GRM4: variants seen among roughly 807,000 people sequenced by gnomAD.
GRM4 encodes metabotropic glutamate receptor 4.
In GRM4, 28 loss-of-function variants were observed where a neutral mutation model predicts 81.7. That is an observed-to-expected ratio of 0.34 (90% CI 0.25 to 0.47). The LOEUF (loss-of-function observed/expected upper bound fraction) is 0.47, where lower values mean the gene tolerates loss of function less well. Ranked by LOEUF, GRM4 falls within the 20% of genes least tolerant of loss-of-function variation. GRM4 has a pLI of 1.00. For synonymous variants in GRM4, 488 were observed against 528.8 expected, an observed-to-expected ratio of 0.92 and a Z score of 1.06; for missense variants, 948 against 1,290.0, an observed-to-expected ratio of 0.73 and a Z score of 4.06.
chr6:34,063,752 G>A (rs972380709), intron 3 of GRM4: 8 of 152,252 alleles, frequency 5.3e-5, no homozygotes, highest in Admixed American at 2.0e-4. Flanking sequence ...ACCACTGGCC[G>A]GGCCGGCTCT....
chr6:34,037,861 CAAAAAAAAAAAAA>C (rs34369343), intron 8 of GRM4, among the ~76,000 whole-genome samples: 2 of 116,178 alleles, frequency 1.7e-5, no homozygotes, highest in Non-Finnish European at 3.6e-5. Flanking sequence ...GATTCCGTCT[CAAAAAAAAAAAAA>C]AAAAAAGAAT....
In GRM4 at chr6:34,028,247, G is replaced by C. The variant is rs756154504; in HGVS notation, c.2562C>G (p.Pro854=). The change falls in exon 10 of 11, where the codon CCC becomes CCG. Residue 854 remains proline, a synonymous_variant. Transcript: ENST00000538487. ...CGGCTTTGAGGCTGCGCTTGCGCTTGGGCACGTTCTGCTCCGGGTGGAAGA... is the reference window on the plus strand; with the variant it reads ...CGGCTTTGAGGCTGCGCTTGCGCTTCGGCACGTTCTGCTCCGGGTGGAAGA... ...IILFHPEQNV[P]KRKRSLKAVV... The C allele has an allele frequency of 5.0e-6, 8 of 1,613,956 alleles. No homozygotes were observed. The highest frequency in any genetic ancestry group is 6.8e-6 in the Non-Finnish European group (8 of 1,180,040).
rs772274071 is a variant in GRM4 at position 34,061,976 on chromosome 6, G to A, written c.789C>T (p.Gly263=). ...SVKIPREPKA[G]EFDKIIRRLL... is the part of the protein sequence containing the mutation. Reference sequence around the variant, plus strand: ...GGCGGCGGATGATCTTGTCGAACTCGCCTGCCTTGGGCTCCCGTGGTATCT... The same window carrying A: ...GGCGGCGGATGATCTTGTCGAACTCACCTGCCTTGGGCTCCCGTGGTATCT... The change falls in exon 4 of 11, where the codon GGC becomes GGT. Residue 263 remains glycine (G), a synonymous_variant. Transcript: ENST00000538487. The A allele has an allele frequency of 5.0e-6, 8 of 1,613,824 alleles. No homozygotes were observed. The highest frequency in any genetic ancestry group is 6.8e-6 in the Non-Finnish European group (8 of 1,179,826).
chr6:34,091,840 C>A lies in GRM4; in HGVS notation c.736+43G>T, dbSNP rs766295475. ...GTGGGTCAGTCACTGTGCCGGGACA[C>A]CCCCGAGCCTGGCATGACTCTGCGG... On this transcript the variant is annotated intron_variant, in intron 3 of 10. Coordinates refer to ENST00000538487, the MANE Select transcript of GRM4 (RefSeq NM_000841.4). 8 of 1,426,296 alleles carry A rather than the reference C, an allele frequency of 5.6e-6. No homozygotes were observed. In the South Asian group the frequency reaches 9.4e-5, roughly 17 times the overall value. The allele number at this position is 1,426,296 out of a possible 1,614,324, so 88.4% of individuals were successfully genotyped here.
At chr6:34,043,458 A>G (rs539356671) in intron 6 of GRM4, among the ~76,000 whole-genome samples, 1 of 152,312 alleles carries the variant, frequency 6.6e-6, no homozygotes, top group South Asian at 2.1e-4. Context: ...CTGAAGAAGC[A>G]TAAAACACTA....
intron 2 of GRM4, among the ~76,000 whole-genome samples, chr6:34,126,901 C>T (rs1010183923): frequency 6.6e-6 from 1 of 152,218 alleles, no homozygotes; most frequent in Non-Finnish European, 1.5e-5. Flanking sequence ...CAGTTCTGTG[C>T]TTGTAGCTTG....
chr6:34,051,078 G>C (rs916940590), intron 6 of GRM4, among the ~76,000 whole-genome samples: 1 of 152,350 alleles, frequency 6.6e-6, no homozygotes, highest in South Asian at 2.1e-4. Flanking sequence ...AAGGAGGGAG[G>C]CTTCCTCAGG....
rs150544835 is a variant in GRM4 at position 34,047,449 on chromosome 6, G to A, written c.1169-6701C>T. Among the ~76,000 whole-genome samples the A allele has an allele frequency of 8.5e-5, 13 of 152,192 alleles. No individual in the cohort carries two copies. The East Asian group carries it at 1.5e-3, about 18-fold the overall frequency. On this transcript the variant is annotated intron_variant, in intron 6 of 10. Transcript: ENST00000538487. The surrounding 1 kb of genome is among the most constrained non-coding windows in gnomAD (Gnocchi z 4.5). The stretch of plus-strand genomic sequence containing the variant: ...CCCTCAAGTCCTGTTCCCGAGTCCA[G>A]GCTCACCATCCCACAAGCCCCCAAA...
intron 6 of GRM4, among the ~76,000 whole-genome samples, chr6:34,050,076 C>T (rs1427792686): frequency 6.6e-6 from 1 of 152,238 alleles, no homozygotes; most frequent in Non-Finnish European, 1.5e-5. Flanking sequence ...CTGCCCGTTG[C>T]TCCCCCATGA....
chr6:34,110,773 A>G, intron 2 of GRM4: 1 of 1,446,308 alleles, frequency 6.9e-7, no homozygotes, highest in Non-Finnish European at 9.1e-7. Context: ...CAGAGATCAA[A>G]GTGGTGCCCC....
intron 2 of GRM4, among the ~76,000 whole-genome samples, chr6:34,104,201 G>A (rs1324940868): frequency 6.6e-6 from 1 of 152,264 alleles, no homozygotes; most frequent in Non-Finnish European, 1.5e-5. Flanking sequence ...AGAGAGAGCT[G>A]GGGGCAGCCC....
At chr6:34,102,854 A>G (rs1768911375) in intron 2 of GRM4, among the ~76,000 whole-genome samples, 1 of 152,098 alleles carries the variant, frequency 6.6e-6, no homozygotes, top group Admixed American at 6.5e-5. Context: ...CTGAAGCCCA[A>G]AGCCTCAGGG....
Position 34,133,098 on chromosome 6 carries a change from C to T in GRM4, c.399G>A (p.Glu133=), listed in dbSNP as rs764574781. Residue 133 remains glutamate (E), a synonymous_variant, in exon 2 of 11, where the codon GAG becomes GAA. Transcript: ENST00000538487. This position sits in a 1 kb window ranked among gnomAD's most constrained non-coding sequence, Gnocchi z 6.5. ...GTGGGCCGCCACTGCCACAGCGGACCTCTGTGCCATCCTTCTCGATGAGCG... is the reference window on the plus strand; with the variant it reads ...GTGGGCCGCCACTGCCACAGCGGACTTCTGTGCCATCCTTCTCGATGAGCG... ...VQALIEKDGT[E]VRCGSGGPPI... 2.3e-5 allele frequency: 37 copies of T among 1,614,012 alleles called. No homozygotes were observed. The highest frequency in any genetic ancestry group is 2.9e-5 in the Non-Finnish European group (34 of 1,180,006).
intron 10 of GRM4, among the ~76,000 whole-genome samples, chr6:34,023,825 G>T (rs968590023): frequency 6.6e-6 from 1 of 152,216 alleles, no homozygotes; most frequent in African/African-American, 2.4e-5. Context: ...GAGGCCAGAG[G>T]GGTGAGGGGC....
At chr6:34,128,541 C>G (rs191978850) in intron 2 of GRM4, among the ~76,000 whole-genome samples, 5 of 152,084 alleles carry the variant, frequency 3.3e-5, no homozygotes, top group Middle Eastern at 3.4e-3. Flanking sequence ...CCACGCCCAG[C>G]TAATTATTGT....
At chr6:34,104,713 T>C (rs951198642) in intron 2 of GRM4, among the ~76,000 whole-genome samples, 3 of 152,198 alleles carry the variant, frequency 2.0e-5, no homozygotes, top group Admixed American at 1.3e-4. Flanking sequence ...TGAGAGTCCC[T>C]GTTCCAGGTG....
intron 6 of GRM4, 29 bp downstream of exon 6, chr6:34,056,515 G>T: frequency 1.9e-6 from 3 of 1,595,244 alleles, no homozygotes; most frequent in Non-Finnish European, 2.6e-6. Flanking sequence ...CCTAGAGCCC[G>T]CCCGGCCCTG....
intron 3 of GRM4, 101 bp from the exon 4 acceptor site, chr6:34,062,129 C>T (rs983658238): frequency 1.9e-5 from 25 of 1,298,584 alleles, no homozygotes; most frequent in Non-Finnish European, 2.5e-5. Context: ...GGGTGCTGCC[C>T]AGGCTCCCCA....
intron 2 of GRM4, among the ~76,000 whole-genome samples, chr6:34,109,328 C>T (rs1369144859): frequency 2.0e-5 from 3 of 150,812 alleles, no homozygotes; most frequent in Middle Eastern, 3.4e-3. Flanking sequence ...GCCCCTCCCA[C>T]CCTGTCCCAC....
Sources: allele counts gnomAD v4.1 joint callset (sites outside exome capture counted in the v4.1 genomes callset), GRCh38; gene constraint gnomAD v4.1.1; non-coding constraint Gnocchi (gnomAD v3.1); transcripts MANE v1.5; gene names NCBI Gene and HGNC (gene_info 2026-07-23, HGNC 2026-07-21).